Variants in SORCS1 observed in about 807,000 individuals in gnomAD.
SORCS1 encodes sortilin related VPS10 domain containing receptor 1.
A neutral mutation model predicts 146.1 loss-of-function variants in SORCS1; 60 were observed. The ratio of observed to expected loss-of-function variants is 0.41; its 90% CI spans 0.33 to 0.51. The LOEUF (loss-of-function observed/expected upper bound fraction) is 0.51, where lower values mean the gene tolerates loss of function less well. SORCS1 is among the 20% of genes least tolerant of loss of function. The pLI is 0.21. For synonymous variants in SORCS1, 637 were observed against 584.0 expected (o/e 1.09, Z -1.31); for missense variants, 1,352 against 1,487.6 (o/e 0.91, Z 1.50).
intron 1 of SORCS1, among the ~76,000 whole-genome samples, chr10:107,017,021 G>A (rs1403973336): frequency 1.3e-5 from 2 of 152,214 alleles, no homozygotes; most frequent in African/African-American, 4.8e-5. Flanking sequence ...TTGACTTGGT[G>A]AAATGTGGAG....
At chr10:106,676,163 AACTG>A (rs1220393433) in intron 13 of SORCS1, among the ~76,000 whole-genome samples, 1 of 152,144 alleles carries the variant, frequency 6.6e-6, no homozygotes, top group Non-Finnish European at 1.5e-5. Context: ...TCAGTCATCA[AACTG>A]ACTAACAGTA....
intron 25 of SORCS1, 90 bp downstream of exon 25, chr10:106,579,279 C>T (rs769010210): frequency 5.6e-6 from 9 of 1,613,970 alleles, no homozygotes; most frequent in South Asian, 1.1e-5. Flanking sequence ...ACCATCACTG[C>T]TATGCACATC....
intron 17 of SORCS1, among the ~76,000 whole-genome samples, chr10:106,659,958 T>C (rs1850599472): frequency 6.6e-6 from 1 of 152,136 alleles, no homozygotes; most frequent in African/African-American, 2.4e-5. Context: ...GGCTGTATGG[T>C]TCTTGGCTAG....
chr10:107,110,454 G>A (rs1047938301), intron 1 of SORCS1, among the ~76,000 whole-genome samples: 5 of 152,100 alleles, frequency 3.3e-5, no homozygotes, highest in African/African-American at 9.7e-5. Flanking sequence ...GAAGGCAAAG[G>A]GGGAATAGGC....
At chr10:106,578,995 A>C (rs185797978) in intron 25 of SORCS1, 1 of 1,504,556 alleles carries the variant, frequency 6.6e-7, no homozygotes, top group East Asian at 2.3e-5. Context: ...TGTTAGAGCA[A>C]AAGAAAGTGG....
intron 7 of SORCS1, among the ~76,000 whole-genome samples, chr10:106,708,990 T>A (rs998301361): frequency 1.3e-5 from 2 of 152,102 alleles, no homozygotes; most frequent in African/African-American, 4.8e-5. Flanking sequence ...GTTGATAAGA[T>A]CCTCTGGACA....
intron 1 of SORCS1, among the ~76,000 whole-genome samples, chr10:106,972,762 T>A (rs1467307180): frequency 2.6e-5 from 4 of 152,172 alleles, no homozygotes; most frequent in Admixed American, 2.6e-4. Context: ...AAGGGGACAA[T>A]CTCTAGCTAG....
intron 2 of SORCS1, among the ~76,000 whole-genome samples, chr10:106,864,070 A>T (rs1053152397): frequency 3.9e-5 from 6 of 152,218 alleles, no homozygotes; most frequent in African/African-American, 1.4e-4. Context: ...GCCTGTGTGA[A>T]GTTAATTCAA....
At chr10:106,811,212 C>T (rs1291153747) in intron 3 of SORCS1, among the ~76,000 whole-genome samples, 1 of 152,146 alleles carries the variant, frequency 6.6e-6, no homozygotes, top group Non-Finnish European at 1.5e-5. Context: ...GCTGGGATTA[C>T]AGGCATGAGC....
At chr10:106,615,287 C>T (rs991101674) in intron 21 of SORCS1, among the ~76,000 whole-genome samples, 1 of 152,164 alleles carries the variant, frequency 6.6e-6, no homozygotes, top group Non-Finnish European at 1.5e-5. Context: ...CCCTATCTCC[C>T]AGTCTCTGCG....
chr10:106,590,258 T>C (rs1845520215), intron 24 of SORCS1, among the ~76,000 whole-genome samples: 1 of 152,226 alleles, frequency 6.6e-6, no homozygotes, highest in African/African-American at 2.4e-5. Flanking sequence ...CTGAATCTTC[T>C]GCATAGAACA....
rs968700769 is a variant in SORCS1, at chr10:106,600,693, C to T, written c.3166-3243G>A. The T allele has an allele frequency of 6.1e-6, 6 of 985,426 alleles. No homozygotes were observed. In the African/African-American group the frequency reaches 1.0e-4, roughly 17 times the overall value. The allele number at this position is 985,426 out of a possible 1,614,324, so 61.0% of individuals were successfully genotyped here. On this transcript the variant is annotated intron_variant, in intron 23 of 25. Coordinates refer to ENST00000263054, the MANE Select transcript of SORCS1 (RefSeq NM_052918.5). Reference sequence around the variant, plus strand: ...GCAGAACACATCTTAGGTGTCAGTGCTGGCATCTTCATGGAAAGGAACATG... The same window carrying T: ...GCAGAACACATCTTAGGTGTCAGTGTTGGCATCTTCATGGAAAGGAACATG...
rs560128011 is a variant in SORCS1, at chr10:107,125,074, T to A, written c.558+38895A>T. Among the ~76,000 whole-genome samples, 6 of 148,284 alleles carry A rather than the reference T, an allele frequency of 4.0e-5. No individual in the cohort carries two copies. In the South Asian group the frequency reaches 1.3e-3, roughly 33 times the overall value. ...TTCAAGAGATTCCCCTGCCTCCGCC[T>A]CCCAAGCAGCTGGGACTACAGGCAT... On this transcript the variant is annotated intron_variant, in intron 1 of 25. Transcript: ENST00000263054.
At chr10:106,608,753 T>C (rs1463106045) in intron 22 of SORCS1, among the ~76,000 whole-genome samples, 1 of 152,188 alleles carries the variant, frequency 6.6e-6, no homozygotes, top group African/African-American at 2.4e-5. Context: ...AGAAGTGCTC[T>C]TGGGAACAAC....
chr10:107,084,238 G>C (rs1166101270), intron 1 of SORCS1, among the ~76,000 whole-genome samples: 2 of 150,694 alleles, frequency 1.3e-5, no homozygotes, highest in African/African-American at 2.4e-5. Flanking sequence ...TGGGACTATA[G>C]GTGCCCACCA....
chr10:106,899,162 A>G (rs1285526600), intron 2 of SORCS1, among the ~76,000 whole-genome samples: 1 of 152,224 alleles, frequency 6.6e-6, no homozygotes, highest in East Asian at 1.9e-4. Flanking sequence ...AATAGTTATA[A>G]GCCAACCCTA....
chr10:106,691,233 G>C (rs758307802), intron 9 of SORCS1, among the ~76,000 whole-genome samples: 1 of 152,134 alleles, frequency 6.6e-6, no homozygotes, highest in African/African-American at 2.4e-5. Context: ...TATTTCCTAC[G>C]GAAGCCATGT....
intron 2 of SORCS1, among the ~76,000 whole-genome samples, chr10:106,921,044 C>T (rs1303433451): frequency 1.3e-5 from 2 of 152,184 alleles, no homozygotes; most frequent in Non-Finnish European, 2.9e-5. Flanking sequence ...TCTAGCTCAT[C>T]GTCTTGCAGG....
At chr10:107,164,714 G>A (rs1048219704), upstream of SORCS1, among the ~76,000 whole-genome samples, 5 of 150,038 alleles carry the variant, frequency 3.3e-5, no homozygotes, top group African/African-American at 9.7e-5. This position sits in a 1 kb window ranked among gnomAD's most constrained non-coding sequence, Gnocchi z 6.8. Flanking sequence ...TGTGCCGAGC[G>A]CGGGTCCGGA....
Sources: gnomAD v4.1 joint callset for allele counts (sites outside exome capture counted in the v4.1 genomes callset) on GRCh38, gnomAD v4.1.1 for gene constraint, Gnocchi (gnomAD v3.1) non-coding constraint, MANE v1.5 for transcripts, NCBI Gene and HGNC (gene_info 2026-07-23, HGNC 2026-07-21) for gene names.